The following COMMD10 variants were observed in gnomAD, a reference collection of about 807,000 sequenced individuals.
The protein encoded by COMMD10 is COMM domain containing 10.
A neutral mutation model predicts 28.9 loss-of-function variants in COMMD10; 33 were observed. The ratio of observed to expected loss-of-function variants is 1.14; its 90% CI spans 0.87 to 1.53. The LOEUF is 1.53. Among genes scored for constraint, COMMD10 ranks in the 40% most tolerant of loss-of-function variants. The probability of loss-of-function intolerance (pLI) is 0.00; values close to 1 mark genes in which losing one functional copy is unlikely to be tolerated. For missense variants in COMMD10, 310 were observed against 233.4 expected (o/e 1.33, Z -2.14); for synonymous variants, 110 against 81.7 (o/e 1.35, Z -1.87).
chr5:116,259,714 T>TG (rs926874094), intron 5 of COMMD10, among the ~76,000 whole-genome samples: 5 of 151,800 alleles, frequency 3.3e-5, no homozygotes, highest in African/African-American at 1.2e-4. Flanking sequence ...TGGGTGTGGC[T>TG]GGGCAGGGTA....
chr5:116,181,800 G>A (rs1258526187), intron 5 of COMMD10, among the ~76,000 whole-genome samples: 1 of 151,834 alleles, frequency 6.6e-6, no homozygotes, highest in African/African-American at 2.4e-5. Flanking sequence ...CACAGTAGTA[G>A]GATATTATAA....
At chr5:116,281,993 A>G (rs951684514) in intron 5 of COMMD10, among the ~76,000 whole-genome samples, 2 of 151,776 alleles carry the variant, frequency 1.3e-5, no homozygotes, top group Non-Finnish European at 2.9e-5. Flanking sequence ...TATCATCAAT[A>G]TATCAGTGAC....
chr5:116,213,361 C>A (rs1432688269), intron 5 of COMMD10, among the ~76,000 whole-genome samples: 2 of 152,036 alleles, frequency 1.3e-5, no homozygotes, highest in African/African-American at 4.8e-5. Flanking sequence ...TAGTGTGAGT[C>A]ACATGTGGGT....
intron 5 of COMMD10, among the ~76,000 whole-genome samples, chr5:116,134,684 G>A (rs1220584798): frequency 6.6e-6 from 1 of 152,090 alleles, no homozygotes; most frequent in African/African-American, 2.4e-5. Flanking sequence ...GCAGTGGCGC[G>A]ATCTCGGCTC....
intron 5 of COMMD10, among the ~76,000 whole-genome samples, chr5:116,188,023 T>A (rs1748198447): frequency 6.6e-6 from 1 of 152,134 alleles, no homozygotes; most frequent in Non-Finnish European, 1.5e-5. Context: ...TCTTTAAGGG[T>A]GACCTAAAAC....
chr5:116,165,851 T>C (rs7709844), intron 5 of COMMD10, among the ~76,000 whole-genome samples: 47,448 of 152,004 alleles, frequency 0.31, 10,389 homozygotes, highest in African/African-American at 0.63. Flanking sequence ...CAAATGCAAC[T>C]ACACTGCTGT....
At chr5:116,123,547 C>G (rs1751515720) in intron 4 of COMMD10, among the ~76,000 whole-genome samples, 1 of 152,140 alleles carries the variant, frequency 6.6e-6, no homozygotes, top group Non-Finnish European at 1.5e-5. Flanking sequence ...TGTCGTGTCT[C>G]TGTCAGGCTT....
At chr5:116,238,956 G>T (rs1020514833) in intron 5 of COMMD10, among the ~76,000 whole-genome samples, 1 of 152,044 alleles carries the variant, frequency 6.6e-6, no homozygotes, top group Non-Finnish European at 1.5e-5. Context: ...CCAAAAATTT[G>T]TTTTTCTCCA....
rs2112660683 is a variant in COMMD10 at position 116,238,219 on chromosome 5, A to C, written c.511-53298A>C. Among the ~76,000 whole-genome samples, 4 of 152,324 alleles carry C rather than the reference A, an allele frequency of 2.6e-5. No individual in the cohort carries two copies. The East Asian group carries it at 7.7e-4, about 29-fold the overall frequency. On this transcript the variant is annotated intron_variant, in intron 5 of 6. Coordinates refer to ENST00000274458, the MANE Select transcript of COMMD10 (RefSeq NM_016144.4). ...ACCATTTTCAGAATTATTTGTAGCC[A>C]CTATAATAAAACTATCAGTAAATTG... is the stretch of plus-strand genomic sequence containing the variant.
At chr5:116,270,799 T>A (rs1750732937) in intron 5 of COMMD10, among the ~76,000 whole-genome samples, 1 of 151,556 alleles carries the variant, frequency 6.6e-6, no homozygotes, top group South Asian at 2.1e-4. Context: ...TAGTTGGGCT[T>A]GATGGTGCAT....
At chr5:116,176,695 T>C (rs571643805) in intron 5 of COMMD10, among the ~76,000 whole-genome samples, 2 of 152,148 alleles carry the variant, frequency 1.3e-5, no homozygotes, top group Non-Finnish European at 2.9e-5. Flanking sequence ...ATTTTCTCAT[T>C]TAATTATTAT....
chr5:116,159,644 A>G (rs564115908), intron 5 of COMMD10, among the ~76,000 whole-genome samples: 14 of 152,328 alleles, frequency 9.2e-5, no homozygotes, highest in Admixed American at 5.9e-4. Flanking sequence ...CAAACACTAG[A>G]TGCTTGTACA....
At chr5:116,122,338 T>C (rs1168918320) in intron 4 of COMMD10, among the ~76,000 whole-genome samples, 3 of 152,236 alleles carry the variant, frequency 2.0e-5, no homozygotes, top group Admixed American at 1.3e-4. Flanking sequence ...TCCATTGGTC[T>C]GTATCTCTGT....
intron 5 of COMMD10, among the ~76,000 whole-genome samples, chr5:116,229,144 T>C (rs1749468280): frequency 6.6e-6 from 1 of 152,004 alleles, no homozygotes; most frequent in Admixed American, 6.6e-5. Context: ...TTTTTTATTA[T>C]TTCCCTTTGC....
intron 5 of COMMD10, among the ~76,000 whole-genome samples, chr5:116,155,651 A>T (rs1457522097): frequency 6.6e-6 from 1 of 152,198 alleles, no homozygotes; most frequent in East Asian, 1.9e-4. Context: ...TGAGTGCCTA[A>T]TTTGAAGAAT....
chr5:116,094,388 T>C (rs1047497348), intron 4 of COMMD10, among the ~76,000 whole-genome samples: 7 of 152,184 alleles, frequency 4.6e-5, no homozygotes, highest in Non-Finnish European at 8.8e-5. Flanking sequence ...AAAGACGATA[T>C]ATAAATGGCT....
intron 5 of COMMD10, among the ~76,000 whole-genome samples, chr5:116,244,780 G>A (rs4244399): frequency 0.98 from 148,702 of 151,984 alleles, 72,828 homozygotes; most frequent in East Asian, 1. Flanking sequence ...ACTTGAAACT[G>A]CTGAGAACAG....
At chr5:116,233,895 C>A (rs1749592255) in intron 5 of COMMD10, among the ~76,000 whole-genome samples, 1 of 152,078 alleles carries the variant, frequency 6.6e-6, no homozygotes, top group Admixed American at 6.6e-5. Context: ...GAGGAATTTG[C>A]ATAGAAAATC....
intron 5 of COMMD10, among the ~76,000 whole-genome samples, chr5:116,217,275 C>T (rs75588875): frequency 0.054 from 8,108 of 151,512 alleles, 313 homozygotes; most frequent in African/African-American, 0.11. Context: ...TCAGGCAGAA[C>T]ATGGGCAGAC....
Sources: allele counts gnomAD v4.1 joint callset (sites outside exome capture counted in the v4.1 genomes callset), GRCh38; gene constraint gnomAD v4.1.1; transcripts MANE v1.5; gene names NCBI Gene and HGNC (gene_info 2026-07-23, HGNC 2026-07-21).